WDR7: variants seen among roughly 807,000 people sequenced by gnomAD.
The protein encoded by WDR7 is WD repeat domain 7, also known as WD repeat-containing protein 7.
In WDR7, 46 loss-of-function variants were observed where a neutral mutation model predicts 169.4. The observed-to-expected ratio is 0.27, with a 90% confidence interval of 0.21 to 0.35. The LOEUF (loss-of-function observed/expected upper bound fraction) is 0.35. Ranked by LOEUF, WDR7 falls within the 10% of genes least tolerant of loss-of-function variation. The probability of loss-of-function intolerance (pLI) is 1.00; values close to 1 mark genes in which losing one functional copy is unlikely to be tolerated. For synonymous variants in WDR7, 612 were observed against 666.8 expected, an observed-to-expected ratio of 0.92 and a Z score of 1.27; for missense variants, 1,534 against 1,859.3, an observed-to-expected ratio of 0.83 and a Z score of 3.22.
chr18:56,958,594 A>AT (rs2047290418), intron 25 of WDR7, among the ~76,000 whole-genome samples: 2 of 152,190 alleles, frequency 1.3e-5, no homozygotes, highest in Middle Eastern at 3.4e-3. Context: ...ATAACTACAT[A>AT]TTTTTTATTA....
At chr18:56,691,574 TATTTA>T in intron 8 of WDR7, 136 bp from the exon 9 acceptor site, 12 of 888,408 alleles carry the variant, frequency 1.4e-5, no homozygotes, top group South Asian at 2.6e-5. Flanking sequence ...TTTATAACAT[TATTTA>T]ATTTAATGCC....
intron 21 of WDR7, among the ~76,000 whole-genome samples, chr18:56,882,883 G>A (rs1448310673): frequency 1.3e-5 from 2 of 152,156 alleles, no homozygotes; most frequent in African/African-American, 4.8e-5. Context: ...AATAAATGCT[G>A]TTTCATTTAG....
chr18:56,702,943 C>T (rs549327801), intron 12 of WDR7, among the ~76,000 whole-genome samples: 10 of 152,210 alleles, frequency 6.6e-5, no homozygotes, highest in African/African-American at 1.7e-4. Context: ...CAGAAGTTTT[C>T]GAAAATGCCG....
At chr18:56,956,522 G>A (rs368472851) in intron 25 of WDR7, among the ~76,000 whole-genome samples, 113 of 152,204 alleles carry the variant, frequency 7.4e-4, no homozygotes, top group African/African-American at 2.5e-3. Flanking sequence ...TTGTGGCCCC[G>A]AAAGAGCTCT....
intron 14 of WDR7, among the ~76,000 whole-genome samples, chr18:56,742,069 A>G (rs893262942): frequency 2.6e-5 from 4 of 152,232 alleles, no homozygotes; most frequent in Non-Finnish European, 5.9e-5. Context: ...GCCAAGGGGA[A>G]GCAGTCTTGT....
chr18:56,799,287 T>C (rs138729455), intron 19 of WDR7, among the ~76,000 whole-genome samples: 1,885 of 152,316 alleles, frequency 0.012, 19 homozygotes, highest in East Asian at 0.032. Flanking sequence ...TTGTACTGTA[T>C]AACTTTTAAT....
At chr18:56,760,912 A>T (rs2043971552) in intron 16 of WDR7, among the ~76,000 whole-genome samples, 1 of 152,226 alleles carries the variant, frequency 6.6e-6, no homozygotes, top group Admixed American at 6.5e-5. Context: ...AGCCATTTTG[A>T]TATGTGTATA....
At chr18:56,781,478 T>C in intron 18 of WDR7, 55 bp from the exon 19 acceptor site, 1 of 1,430,884 alleles carries the variant, frequency 7.0e-7, no homozygotes, top group Non-Finnish European at 9.2e-7. Context: ...TTTATGAATA[T>C]TCACCTCCTC....
intron 26 of WDR7, among the ~76,000 whole-genome samples, chr18:57,001,816 CT>C (rs2145888396): frequency 6.6e-6 from 1 of 152,236 alleles, no homozygotes; most frequent in Non-Finnish European, 1.5e-5. Context: ...GCTTGTTTCT[CT>C]TAGCATCACG....
At chr18:57,007,011 G>A (rs1280003184) in intron 26 of WDR7, among the ~76,000 whole-genome samples, 9 of 143,010 alleles carry the variant, frequency 6.3e-5, no homozygotes, top group Admixed American at 1.4e-4. Flanking sequence ...ACGGAATCTC[G>A]CTCTGTCACC....
At chr18:57,023,044 T>C (rs1443027328) in intron 27 of WDR7, among the ~76,000 whole-genome samples, 3 of 152,252 alleles carry the variant, frequency 2.0e-5, no homozygotes, top group Admixed American at 2.0e-4. Flanking sequence ...AATGTCGGAA[T>C]TTAACATACA....
intron 26 of WDR7, among the ~76,000 whole-genome samples, chr18:56,982,552 GCTT>G (rs1013198213): frequency 6.6e-6 from 1 of 152,104 alleles, no homozygotes; most frequent in Non-Finnish European, 1.5e-5. Flanking sequence ...TGAAAGAAGA[GCTT>G]CTTTTCTAAT....
Position 56,756,852 on chromosome 18 carries a change from C to T in WDR7, c.2259C>T (p.Asn753=). ...AAGTGAAAGAAACGATCAAAGAGAA[C>T]ATCAAGGAACACCTCCTTGATGATG... ...FQQVKETIKE[N]IKEHLLDDEE... is the part of the protein sequence containing the mutation. The change falls in exon 15 of 28, where the codon AAC becomes AAT. Residue 753 remains asparagine (N), a synonymous_variant. Coordinates refer to ENST00000254442, the MANE Select transcript of WDR7 (RefSeq NM_015285.3). 4 of 1,614,008 alleles carry T rather than the reference C, an allele frequency of 2.5e-6. No homozygotes were observed. Among genetic ancestry groups the T allele is most frequent in the Non-Finnish European group, 3.4e-6 (4 of 1,180,000 alleles).
chr18:56,853,853 T>A (rs986185941), intron 20 of WDR7, among the ~76,000 whole-genome samples: 1 of 152,236 alleles, frequency 6.6e-6, no homozygotes, highest in Non-Finnish European at 1.5e-5. Context: ...TTACAAAGAT[T>A]CATTAGTTTT....
At chr18:56,948,299 G>T (rs2047134647) in intron 25 of WDR7, among the ~76,000 whole-genome samples, 1 of 151,902 alleles carries the variant, frequency 6.6e-6, no homozygotes, top group African/African-American at 2.4e-5. Flanking sequence ...TTCCCAGATA[G>T]GTCCTTATTT....
At position 56,932,901 on chromosome 18, in the gene WDR7, G is replaced by C. The variant is rs544200337; in HGVS notation, c.3714-2887G>C. On this transcript the variant is annotated intron_variant, in intron 22 of 27. Transcript: ENST00000254442. ...TGTGTGTGTGTGTGTGTGTGTGTGT[G>C]TGTGTCTATCTGTCTGTCTCCCTCT... Among the ~76,000 whole-genome samples the C allele has an allele frequency of 1.3e-5, 2 of 149,096 alleles. 1 individual carries two copies. The highest frequency in any genetic ancestry group is 4.2e-4 in the South Asian group (2 of 4,812).
At chr18:56,783,861 G>T (rs1310723274) in intron 19 of WDR7, among the ~76,000 whole-genome samples, 1 of 152,140 alleles carries the variant, frequency 6.6e-6, no homozygotes, top group East Asian at 1.9e-4. Flanking sequence ...GGGAAGAAGA[G>T]AATAAGTTAG....
chr18:56,948,827 G>A (rs993645756), intron 25 of WDR7, among the ~76,000 whole-genome samples: 5 of 152,144 alleles, frequency 3.3e-5, no homozygotes, highest in African/African-American at 9.7e-5. Context: ...GCTTACACGT[G>A]TCAGGGGCAC....
chr18:56,687,048 C>A, intron 7 of WDR7, 74 bp downstream of exon 7: 1 of 1,376,230 alleles, frequency 7.3e-7, no homozygotes, highest in Non-Finnish European at 9.9e-7. Context: ...TCCAAAGAAC[C>A]CTAAAGAAGT....
Sources: gnomAD v4.1 joint callset for allele counts (sites outside exome capture counted in the v4.1 genomes callset) on GRCh38, gnomAD v4.1.1 for gene constraint, MANE v1.5 for transcripts, NCBI Gene and HGNC (gene_info 2026-07-23, HGNC 2026-07-21) for gene names.